Variants in WWC2 observed in about 807,000 individuals in gnomAD.
The protein encoded by WWC2 is protein WWC2.
Under a neutral mutation model 138.5 loss-of-function variants are expected in WWC2, and 101 were observed. The observed-to-expected ratio is 0.73, with a 90% CI of 0.62 to 0.86. The LOEUF is 0.86. WWC2 is among the 40% of genes least tolerant of loss of function. The probability of loss-of-function intolerance (pLI) is 0.00; values close to 1 mark genes in which losing one functional copy is unlikely to be tolerated. For missense variants in WWC2, 1,420 were observed against 1,419.4 expected, an observed-to-expected ratio of 1.00 and a Z score of -0.01; for synonymous variants, 558 against 538.4, an observed-to-expected ratio of 1.04 and a Z score of -0.50.
intron 1 of WWC2, among the ~76,000 whole-genome samples, chr4:183,174,675 A>G (rs1734405047): frequency 1.3e-5 from 2 of 152,202 alleles, no homozygotes; most frequent in South Asian, 4.1e-4. Context: ...ATTTTCAAAC[A>G]TAAGAAAAAA....
At chr4:183,283,830 G>A (rs1191692756) in intron 18 of WWC2, among the ~76,000 whole-genome samples, 1 of 152,140 alleles carries the variant, frequency 6.6e-6, no homozygotes, top group Non-Finnish European at 1.5e-5. Flanking sequence ...GGAAAACAAT[G>A]TAATCAGAAA....
At chr4:183,169,670 G>T (rs1734224122) in intron 1 of WWC2, among the ~76,000 whole-genome samples, 1 of 151,966 alleles carries the variant, frequency 6.6e-6, no homozygotes. Context: ...AAATAATAGG[G>T]TGAATATATT....
chr4:183,280,737 G>GTA (rs778442556), intron 16 of WWC2, 39 bp from the exon 17 acceptor site: 21 of 1,559,864 alleles, frequency 1.3e-5, no homozygotes, highest in Non-Finnish European at 1.7e-5. Context: ...ATTTTTTCAA[G>GTA]TATATTATGT....
chr4:183,214,583 G>A lies in WWC2; in HGVS notation c.522+5558G>A, dbSNP rs186594818. Among the ~76,000 whole-genome samples, 789 of 151,828 alleles carry A rather than the reference G, an allele frequency of 5.2e-3. 6 individuals are homozygous for A. The highest frequency in any genetic ancestry group is 0.018 in the African/African-American group (761 of 41,402). ...CGAGGTGGGCGGATCACCTGAGGTCGGGAGTTCGAGACCAGCCTGACCAAC... is the reference window on the plus strand; with the variant it reads ...CGAGGTGGGCGGATCACCTGAGGTCAGGAGTTCGAGACCAGCCTGACCAAC... On this transcript the variant is annotated intron_variant, in intron 4 of 22. Transcript: ENST00000403733.
chr4:183,146,623 C>G (rs530498233), intron 1 of WWC2, among the ~76,000 whole-genome samples: 1 of 152,276 alleles, frequency 6.6e-6, no homozygotes, highest in East Asian at 1.9e-4. Context: ...ACAGGCTGGC[C>G]TGCTCATGTG....
chr4:183,128,994 G>A (rs1351739414), intron 1 of WWC2, among the ~76,000 whole-genome samples: 2 of 152,192 alleles, frequency 1.3e-5, no homozygotes, highest in Non-Finnish European at 2.9e-5. Flanking sequence ...GACATATAAA[G>A]GGAAAGGACT....
chr4:183,265,792 A>G (rs1218242391), intron 13 of WWC2, 24 bp downstream of exon 13: 2 of 1,609,490 alleles, frequency 1.2e-6, no homozygotes, highest in African/African-American at 1.3e-5. Flanking sequence ...GTGGGAAAGG[A>G]GCAGTTCTGA....
chr4:183,218,857 C>CA (rs1425546438), intron 4 of WWC2, among the ~76,000 whole-genome samples: 2 of 152,194 alleles, frequency 1.3e-5, no homozygotes, highest in African/African-American at 2.4e-5. Flanking sequence ...TCTGTATACT[C>CA]AGAGTTCACC....
intron 4 of WWC2, among the ~76,000 whole-genome samples, chr4:183,238,325 C>T (rs1164283525): frequency 6.6e-6 from 1 of 152,158 alleles, no homozygotes; most frequent in African/African-American, 2.4e-5. Context: ...AAGTATCTTC[C>T]TCCTCTGGCT....
intron 8 of WWC2, 102 bp downstream of exon 8, chr4:183,250,095 C>A: frequency 1.9e-6 from 2 of 1,038,118 alleles, no homozygotes; most frequent in Non-Finnish European, 2.8e-6. Context: ...CCCATACATT[C>A]TTACCAAGGC....
chr4:183,268,217 T>G (rs1737570358), intron 14 of WWC2, among the ~76,000 whole-genome samples: 1 of 152,224 alleles, frequency 6.6e-6, no homozygotes, highest in Admixed American at 6.5e-5. Context: ...GGGATAGACT[T>G]AGCGGTATTC....
intron 1 of WWC2, among the ~76,000 whole-genome samples, chr4:183,153,941 GC>G (rs1444546991): frequency 7.0e-6 from 1 of 143,082 alleles, no homozygotes; most frequent in African/African-American, 2.7e-5. Flanking sequence ...ACTGTGCCTG[GC>G]CCAAACAGTC....
chr4:183,238,962 T>C (rs572857699), intron 4 of WWC2, among the ~76,000 whole-genome samples: 1 of 152,202 alleles, frequency 6.6e-6, no homozygotes, highest in Admixed American at 6.5e-5. Flanking sequence ...ATGAGTAAAA[T>C]AAATCAACAT....
At chr4:183,290,341 C>T (rs556626983) in intron 21 of WWC2, among the ~76,000 whole-genome samples, 3 of 152,082 alleles carry the variant, frequency 2.0e-5, no homozygotes, top group South Asian at 2.1e-4. Flanking sequence ...ATGCTGAAAC[C>T]TCGTCTTTAC....
intron 1 of WWC2, among the ~76,000 whole-genome samples, chr4:183,103,539 G>T (rs886987429): frequency 6.6e-6 from 1 of 151,432 alleles, no homozygotes. Flanking sequence ...TGTTGGCCAG[G>T]CTGGTCTCGA....
At chr4:183,309,295 GA>G (rs959458958) in intron 21 of WWC2, among the ~76,000 whole-genome samples, 7 of 152,212 alleles carry the variant, frequency 4.6e-5, no homozygotes, top group Admixed American at 4.6e-4. Flanking sequence ...AGAAAAAGAG[GA>G]AACAAGCCAC....
intron 1 of WWC2, among the ~76,000 whole-genome samples, chr4:183,170,815 C>T (rs1262282809): frequency 6.6e-6 from 1 of 150,806 alleles, no homozygotes; most frequent in Admixed American, 6.7e-5. Flanking sequence ...GCCTCAGCCT[C>T]CTGAGTAGCT....
chr4:183,220,646 A>G (rs376098592), intron 4 of WWC2, among the ~76,000 whole-genome samples: 11 of 152,040 alleles, frequency 7.2e-5, no homozygotes, highest in Non-Finnish European at 1.5e-4. Flanking sequence ...CATCCTGGCT[A>G]ACACAGTGAA....
intron 1 of WWC2, among the ~76,000 whole-genome samples, chr4:183,133,753 C>A (rs1733019932): frequency 6.6e-6 from 1 of 152,164 alleles, no homozygotes; most frequent in Admixed American, 6.5e-5. Context: ...CCTTGGCCTC[C>A]CAAAGTGCTG....
Sources: gnomAD v4.1 joint callset for allele counts (sites outside exome capture counted in the v4.1 genomes callset) on GRCh38, gnomAD v4.1.1 for gene constraint, MANE v1.5 for transcripts, NCBI Gene and HGNC (gene_info 2026-07-23, HGNC 2026-07-21) for gene names.